Variants in IGSF21 observed in about 807,000 individuals in gnomAD.
IGSF21 encodes immunoglobin superfamily member 21.
A neutral mutation model predicts 46.8 loss-of-function variants in IGSF21; 28 were observed. The ratio of observed to expected loss-of-function variants is 0.60; its 90% confidence interval spans 0.44 to 0.82. The LOEUF (loss-of-function observed/expected upper bound fraction) is 0.82. Among genes scored for constraint, IGSF21 ranks in the 40% least tolerant of loss-of-function variants. The probability of loss-of-function intolerance (pLI) is 0.00; values close to 1 mark genes in which losing one functional copy is unlikely to be tolerated. For missense variants in IGSF21, 624 were observed against 665.5 expected (o/e 0.94, Z 0.69); for synonymous variants, 284 against 273.6 (o/e 1.04, Z -0.38).
chr1:18,357,449 C>G (rs1739102), intron 4 of IGSF21, among the ~76,000 whole-genome samples: 86,161 of 108,742 alleles, frequency 0.79, 32,244 homozygotes, highest in South Asian at 0.86. Context: ...ATGAGGTGGG[C>G]ATGGGGATGG....
At position 18,305,236 on chromosome 1, in the gene IGSF21, G is replaced by C. The variant is rs552088144; in HGVS notation, c.305+13249G>C. On this transcript the variant is annotated intron_variant, in intron 3 of 9. Coordinates refer to ENST00000251296, the MANE Select transcript of IGSF21 (RefSeq NM_032880.5). ...GATAATGGATGGATGGACGATGGAT[G>C]AATCGATGGATGGATGCATGGATGG... Among the ~76,000 whole-genome samples, 4 of 151,290 alleles carry C rather than the reference G, an allele frequency of 2.6e-5. No individual in the cohort carries two copies. In the East Asian group the frequency reaches 7.9e-4, roughly 30 times the overall value.
Position 18,224,989 on chromosome 1 carries a change from C to T in IGSF21, c.71-2909C>T, listed in dbSNP as rs1470394775. Among the ~76,000 whole-genome samples, 8 of 151,588 alleles carry T rather than the reference C, an allele frequency of 5.3e-5. No individual in the cohort carries two copies. The East Asian group carries it at 5.8e-4, about 11-fold the overall frequency. On this transcript the variant is annotated intron_variant, in intron 1 of 9. Transcript: ENST00000251296. ...CTGAGGCAGGAGAATTGCCTGAACC[C>T]GGTAGGTGGAGGCTGCAGTGAGCCA...
At chr1:18,289,879 GTA>G (rs1491135977) in intron 2 of IGSF21, among the ~76,000 whole-genome samples, 1 of 152,210 alleles carries the variant, frequency 6.6e-6, no homozygotes, top group Non-Finnish European at 1.5e-5. Flanking sequence ...TTTGGTGGCT[GTA>G]AAAAAGTCAA....
intron 1 of IGSF21, among the ~76,000 whole-genome samples, chr1:18,219,969 C>G (rs1470807547): frequency 6.6e-6 from 1 of 152,174 alleles, no homozygotes; most frequent in East Asian, 1.9e-4. Context: ...GAAGATAGGA[C>G]AAAAGCTCAG....
In IGSF21 at chr1:18,109,051, A is replaced by C. The variant is rs35604525; in HGVS notation, c.70+853A>C. Among the ~76,000 whole-genome samples the C allele has an allele frequency of 0.019, 2,727 of 147,302 alleles. 31 individuals carry two copies. The highest frequency in any genetic ancestry group is 0.049 in the East Asian group (240 of 4,922). Reference sequence around the variant, plus strand: ...GGACTTGCTCCCGGGTTAGGCTAAGACAGCTAGAAGGAGGTTGAAGCCGAG... The same window carrying C: ...GGACTTGCTCCCGGGTTAGGCTAAGCCAGCTAGAAGGAGGTTGAAGCCGAG... On this transcript the variant is annotated intron_variant, in intron 1 of 9. Coordinates refer to ENST00000251296, the MANE Select transcript of IGSF21 (RefSeq NM_032880.5). The surrounding 1 kb of genome is among the most constrained non-coding windows in gnomAD (Gnocchi z 4.8).
chr1:18,372,628 GGATA>G (rs769581833), intron 6 of IGSF21, among the ~76,000 whole-genome samples: 19 of 150,408 alleles, frequency 1.3e-4, no homozygotes, highest in Admixed American at 3.3e-4. Flanking sequence ...TTGGATGGAT[GGATA>G]GATGGATGGA....
intron 2 of IGSF21, among the ~76,000 whole-genome samples, chr1:18,280,854 C>T (rs762219026): frequency 3.9e-5 from 6 of 152,144 alleles, no homozygotes; most frequent in Non-Finnish European, 8.8e-5. Flanking sequence ...TCCTGTCTGC[C>T]CCGAAGGCTC....
chr1:18,313,625 C>G (rs1255200172), intron 3 of IGSF21, among the ~76,000 whole-genome samples: 1 of 152,162 alleles, frequency 6.6e-6, no homozygotes, highest in African/African-American at 2.4e-5. Context: ...TTGTGCTGGG[C>G]TCCAGGGAGA....
At chr1:18,254,450 G>C (rs1203219371) in intron 2 of IGSF21, among the ~76,000 whole-genome samples, 1 of 152,136 alleles carries the variant, frequency 6.6e-6, no homozygotes, top group East Asian at 1.9e-4. Context: ...TAACCCTAGA[G>C]TTAGATTCAA....
chr1:18,228,954 C>T (rs2084597063), intron 2 of IGSF21, among the ~76,000 whole-genome samples: 1 of 152,190 alleles, frequency 6.6e-6, no homozygotes, highest in African/African-American at 2.4e-5. Flanking sequence ...TACTCATGGG[C>T]ACCAAAGTCT....
rs114928761 is a variant in IGSF21, at chr1:18,208,774, C to T, written c.71-19124C>T. Among the ~76,000 whole-genome samples, 478 of 151,922 alleles carry T rather than the reference C, an allele frequency of 3.1e-3. 4 individuals carry two copies. The highest frequency in any genetic ancestry group is 9.3e-3 in the African/African-American group (387 of 41,408). ...CCAAACTGAATGTCCTTCAATAGTA[C>T]ATGGAAGGAATAAGTGGATTGCAAT... On this transcript the variant is annotated intron_variant, in intron 1 of 9. Transcript: ENST00000251296.
intron 1 of IGSF21, among the ~76,000 whole-genome samples, chr1:18,158,580 C>T (rs1482291300): frequency 1.3e-5 from 2 of 152,138 alleles, no homozygotes; most frequent in African/African-American, 4.8e-5. Flanking sequence ...TCCTTGCTGC[C>T]CTTGCCCAGG....
At chr1:18,182,749 C>T (rs993491427) in intron 1 of IGSF21, among the ~76,000 whole-genome samples, 2 of 152,242 alleles carry the variant, frequency 1.3e-5, no homozygotes, top group African/African-American at 4.8e-5. Flanking sequence ...CCTCTGAGCA[C>T]TTCCCACCCC....
intron 1 of IGSF21, among the ~76,000 whole-genome samples, chr1:18,126,078 G>A (rs1326123246): frequency 6.6e-6 from 1 of 152,200 alleles, no homozygotes; most frequent in Admixed American, 6.5e-5. Flanking sequence ...CTTAGCAGCC[G>A]GCCTTTGGTT....
At chr1:18,277,426 G>A (rs1304041935) in intron 2 of IGSF21, among the ~76,000 whole-genome samples, 1 of 152,204 alleles carries the variant, frequency 6.6e-6, no homozygotes, top group African/African-American at 2.4e-5. Flanking sequence ...CCCTAGCTGA[G>A]ACTCACTCAC....
At chr1:18,177,724 C>G (rs2086816636) in intron 1 of IGSF21, among the ~76,000 whole-genome samples, 1 of 152,124 alleles carries the variant, frequency 6.6e-6, no homozygotes, top group Non-Finnish European at 1.5e-5. Context: ...AGCAACGACC[C>G]TGTGGAAGGG....
intron 2 of IGSF21, among the ~76,000 whole-genome samples, chr1:18,281,087 C>A (rs985423697): frequency 9.5e-5 from 9 of 94,344 alleles, no homozygotes; most frequent in South Asian, 5.1e-4. Flanking sequence ...ACAGGCCTGG[C>A]CTGCAGGAGG....
At chr1:18,314,745 A>G (rs1268554924) in intron 3 of IGSF21, among the ~76,000 whole-genome samples, 1 of 152,180 alleles carries the variant, frequency 6.6e-6, no homozygotes, top group Non-Finnish European at 1.5e-5. Flanking sequence ...AACTTGCACC[A>G]GTGGCCTGCT....
chr1:18,223,662 C>T (rs1169633333), intron 1 of IGSF21, among the ~76,000 whole-genome samples: 1 of 152,212 alleles, frequency 6.6e-6, no homozygotes, highest in African/African-American at 2.4e-5. Context: ...TAATGGAATT[C>T]ATATTCCAGA....
Sources: gnomAD v4.1 joint callset for allele counts (sites outside exome capture counted in the v4.1 genomes callset) on GRCh38, gnomAD v4.1.1 for gene constraint, Gnocchi (gnomAD v3.1) non-coding constraint, MANE v1.5 for transcripts, NCBI Gene and HGNC (gene_info 2026-07-23, HGNC 2026-07-21) for gene names.